The following STAU1 variants were observed in gnomAD, a reference collection of about 807,000 sequenced individuals.
STAU1 encodes double-stranded RNA-binding protein Staufen homolog 1.
In STAU1, 13 loss-of-function variants were observed where a neutral mutation model predicts 62.9. That is an observed-to-expected ratio of 0.21 (90% CI 0.13 to 0.33). STAU1 has a LOEUF of 0.33. Ranked by LOEUF, STAU1 falls within the 10% of genes least tolerant of loss-of-function variation. The probability of loss-of-function intolerance (pLI) is 1.00; values close to 1 mark genes in which losing one functional copy is unlikely to be tolerated. For synonymous variants in STAU1, 269 were observed against 265.1 expected, an observed-to-expected ratio of 1.01 and a Z score of -0.14; for missense variants, 571 against 712.1, an observed-to-expected ratio of 0.80 and a Z score of 2.25.
intron 5 of STAU1, among the ~76,000 whole-genome samples, chr20:49,148,591 C>T (rs1444315666): frequency 1.3e-5 from 2 of 152,224 alleles, no homozygotes; most frequent in African/African-American, 2.4e-5. Flanking sequence ...CTGACAGGCA[C>T]GGTCTCTACT....
At chr20:49,187,467 G>A (rs2093802100) in intron 1 of STAU1, among the ~76,000 whole-genome samples, 1 of 152,162 alleles carries the variant, frequency 6.6e-6, no homozygotes, top group South Asian at 2.1e-4. Context: ...TATCCACTCT[G>A]CCCATTAAAT....
At position 49,139,427 on chromosome 20, in the gene STAU1, A is replaced by T. The variant is rs1330709338; in HGVS notation, c.511-3496T>A. Among the ~76,000 whole-genome samples, 5 of 152,346 alleles carry T rather than the reference A, an allele frequency of 3.3e-5. No individual in the cohort carries two copies. The East Asian group carries it at 9.6e-4, about 29-fold the overall frequency. On this transcript the variant is annotated intron_variant, in intron 5 of 13. Transcript: ENST00000371856. ...AGCACTTACACAGGCATTTCTCTAA[A>T]GAAATACAAATAGTCGGCTGGGCAC...
chr20:49,165,358 T>C (rs2093509781), intron 3 of STAU1, among the ~76,000 whole-genome samples: 1 of 149,046 alleles, frequency 6.7e-6, no homozygotes, highest in Admixed American at 6.7e-5. Flanking sequence ...TTTCTTTTTT[T>C]GAGACAGTGT....
In STAU1 at chr20:49,177,846, C is replaced by G. The variant is rs539684949; in HGVS notation, c.-159-3577G>C. ...GGAGAAATACAGCAGTCATTTGGAT[C>G]TCAAATACTTTTACACAGTGATAGC... On this transcript the variant is annotated intron_variant, in intron 1 of 13. Transcript: ENST00000371856. Among the ~76,000 whole-genome samples, 19 of 152,182 alleles carry G rather than the reference C, an allele frequency of 1.2e-4. No homozygotes were observed. In the East Asian group the frequency reaches 3.5e-3, roughly 28 times the overall value.
chr20:49,191,391 TG>T (rs1259060861), upstream of STAU1, among the ~76,000 whole-genome samples: 1 of 152,190 alleles, frequency 6.6e-6, no homozygotes, highest in African/African-American at 2.4e-5. Context: ...TTCAATTATC[TG>T]TTGAGTATAT....
rs1407994280 is a variant in STAU1, at chr20:49,129,122, C to A, written c.610-4535G>T. ...CAAAACTCAATAATAAAAAGACACT[C>A]AAAAAAACTGGCAAGATATAAACCT... On this transcript the variant is annotated intron_variant, in intron 6 of 13. Coordinates refer to ENST00000371856, the MANE Select transcript of STAU1 (RefSeq NM_017453.4). Among the ~76,000 whole-genome samples the A allele has an allele frequency of 2.6e-5, 4 of 151,288 alleles. No individual in the cohort carries two copies. The East Asian group carries it at 5.8e-4, about 22-fold the overall frequency.
the STAU1 span, among the ~76,000 whole-genome samples, chr20:49,210,974 C>T: frequency 4.2e-4 from 64 of 152,194 alleles, no homozygotes; most frequent in East Asian, 9.8e-3. Flanking sequence ...CCCCAATTCC[C>T]TAATCCCCCA....
the STAU1 span, among the ~76,000 whole-genome samples, chr20:49,197,968 C>A: frequency 6.6e-6 from 1 of 152,106 alleles, no homozygotes; most frequent in Non-Finnish European, 1.5e-5. Context: ...CTCAGCCTAC[C>A]AAAAGTGCTG....
chr20:49,196,412 G>T, the STAU1 span, among the ~76,000 whole-genome samples: 1 of 149,996 alleles, frequency 6.7e-6, no homozygotes, highest in South Asian at 2.1e-4. Context: ...ACTCCAGCCT[G>T]GGCGACAGCG....
the STAU1 span, chr20:49,219,220 A>G: frequency 4.9e-5 from 40 of 819,358 alleles, no homozygotes; most frequent in Non-Finnish European, 7.2e-5. Context: ...GGCCGGAGAC[A>G]ATGGAATTTG....
chr20:49,204,306 T>C, the STAU1 span, among the ~76,000 whole-genome samples: 1 of 151,658 alleles, frequency 6.6e-6, no homozygotes, highest in Admixed American at 6.6e-5. Flanking sequence ...TTTTTTATTG[T>C]GTACTTTAAA....
At chr20:49,213,609 T>G in the STAU1 span, among the ~76,000 whole-genome samples, 1 of 152,188 alleles carries the variant, frequency 6.6e-6, no homozygotes, top group Non-Finnish European at 1.5e-5. Flanking sequence ...CTTACCCAAT[T>G]AATTAATTCC....
At chr20:49,189,644 A>C (rs933351809), upstream of STAU1, among the ~76,000 whole-genome samples, 1 of 147,472 alleles carries the variant, frequency 6.8e-6, no homozygotes, top group African/African-American at 2.5e-5. Flanking sequence ...AAAAAAAAAG[A>C]ATCTTGAACT....
At chr20:49,119,940 G>A in intron 9 of STAU1, 42 bp downstream of exon 9, 1 of 1,600,916 alleles carries the variant, frequency 6.2e-7, no homozygotes, top group South Asian at 1.1e-5. Context: ...CCTAGGGTGA[G>A]GCGAGAGACC....
Position 49,152,463 on chromosome 20 carries a change from C to T in STAU1, c.345-716G>A, listed in dbSNP as rs572143489. On this transcript the variant is annotated intron_variant, in intron 4 of 13. Coordinates refer to ENST00000371856, the MANE Select transcript of STAU1 (RefSeq NM_017453.4). ...GGTTCAAGCGATTCTCCTGCCTCAGCCTCCCGAGTAGCTGGGATTACAGGC... is the reference window on the plus strand; with the variant it reads ...GGTTCAAGCGATTCTCCTGCCTCAGTCTCCCGAGTAGCTGGGATTACAGGC... 1.6e-3 allele frequency among the ~76,000 whole-genome samples: 247 copies of T among 151,386 alleles called. 1 individual carries two copies. The highest frequency in any genetic ancestry group is 3.4e-3 in the Middle Eastern group (1 of 292).
upstream of STAU1, among the ~76,000 whole-genome samples, chr20:49,192,622 C>T (rs2093832704): frequency 1.3e-5 from 2 of 151,882 alleles, no homozygotes; most frequent in South Asian, 4.1e-4. Flanking sequence ...GTGGCAAAAT[C>T]CCAACTCTAC....
intron 6 of STAU1, among the ~76,000 whole-genome samples, chr20:49,129,515 T>C (rs2145954625): frequency 6.6e-6 from 1 of 151,834 alleles, no homozygotes; most frequent in East Asian, 1.9e-4. Context: ...ATAACTAAAA[T>C]TTTAAAAGCT....
intron 5 of STAU1, among the ~76,000 whole-genome samples, chr20:49,147,178 T>C (rs1241093389): frequency 6.6e-6 from 1 of 152,212 alleles, no homozygotes; most frequent in African/African-American, 2.4e-5. Flanking sequence ...CTAAATGAGA[T>C]ACTTTACGTT....
chr20:49,181,623 G>A (rs1011300650), intron 1 of STAU1, among the ~76,000 whole-genome samples: 4 of 151,844 alleles, frequency 2.6e-5, no homozygotes, highest in African/African-American at 9.7e-5. Flanking sequence ...AAAATTAGCC[G>A]GGCGTGGTGG....
Sources: gnomAD v4.1 joint callset for allele counts (sites outside exome capture counted in the v4.1 genomes callset) on GRCh38, gnomAD v4.1.1 for gene constraint, MANE v1.5 for transcripts, NCBI Gene and HGNC (gene_info 2026-07-23, HGNC 2026-07-21) for gene names.